The following GRHL2 variants were observed in gnomAD, a reference collection of about 807,000 sequenced individuals.
The protein encoded by GRHL2 is grainyhead-like protein 2 homolog.
Under a neutral mutation model 83.8 loss-of-function variants are expected in GRHL2, and 21 were observed. The ratio of observed to expected loss-of-function variants is 0.25; its 90% CI spans 0.18 to 0.36. The LOEUF (loss-of-function observed/expected upper bound fraction) is 0.36. Ranked by LOEUF, GRHL2 falls within the 10% of genes least tolerant of loss-of-function variation. GRHL2 has a pLI of 1.00. For synonymous variants in GRHL2, 280 were observed against 278.9 expected, an observed-to-expected ratio of 1.00 and a Z score of -0.04; for missense variants, 623 against 781.8, an observed-to-expected ratio of 0.80 and a Z score of 2.42.
At chr8:101,617,797 G>A (rs191637013) in intron 8 of GRHL2, among the ~76,000 whole-genome samples, 32 of 152,246 alleles carry the variant, frequency 2.1e-4, no homozygotes, top group Admixed American at 1.8e-3. Context: ...GAGCCACCAC[G>A]CCCGGCTGAA....
intron 1 of GRHL2, among the ~76,000 whole-genome samples, chr8:101,526,927 C>A (rs533549349): frequency 6.6e-6 from 1 of 152,030 alleles, no homozygotes; most frequent in Admixed American, 6.6e-5. Context: ...GAAACTAGCA[C>A]GTATTTGCTT....
chr8:101,572,907 C>T (rs755867823), intron 5 of GRHL2, among the ~76,000 whole-genome samples: 48 of 152,296 alleles, frequency 3.2e-4, no homozygotes, highest in Middle Eastern at 6.8e-3. Context: ...GGCAGGCTAT[C>T]GTCTCTACCA....
chr8:101,493,743 G>A (rs1586388051), intron 1 of GRHL2, among the ~76,000 whole-genome samples: 1 of 152,180 alleles, frequency 6.6e-6, no homozygotes, highest in East Asian at 1.9e-4. Context: ...CGGGGCGGCG[G>A]GAACGCTGGG....
chr8:101,558,154 C>A (rs539495597), intron 3 of GRHL2, among the ~76,000 whole-genome samples: 1 of 152,100 alleles, frequency 6.6e-6, no homozygotes, highest in Non-Finnish European at 1.5e-5. Context: ...CATGAGGCAC[C>A]GCGCCTGGCC....
intron 1 of GRHL2, among the ~76,000 whole-genome samples, chr8:101,532,329 C>G (rs1810944796): frequency 6.6e-6 from 1 of 152,152 alleles, no homozygotes; most frequent in African/African-American, 2.4e-5. Flanking sequence ...CATTTTTGGT[C>G]TGAATATGGT....
At chr8:101,565,838 C>G (rs1452115254) in intron 4 of GRHL2, among the ~76,000 whole-genome samples, 1 of 152,204 alleles carries the variant, frequency 6.6e-6, no homozygotes, top group Non-Finnish European at 1.5e-5. Flanking sequence ...TATTTCATAA[C>G]TCAACTCCAG....
intron 1 of GRHL2, among the ~76,000 whole-genome samples, chr8:101,496,015 G>A (rs572471): frequency 0.81 from 123,167 of 151,586 alleles, 51,541 homozygotes; most frequent in Non-Finnish European, 0.93. Flanking sequence ...AGGTGTGGTG[G>A]CAGGTGCCTG....
chr8:101,673,504 A>G (rs1563639382), downstream of GRHL2, among the ~76,000 whole-genome samples: 1 of 132,344 alleles, frequency 7.6e-6, no homozygotes, highest in Non-Finnish European at 1.6e-5. Context: ...AGAGCTAACT[A>G]TCCTAAATAT....
At chr8:101,509,417 A>T (rs1382931257) in intron 1 of GRHL2, among the ~76,000 whole-genome samples, 1 of 151,940 alleles carries the variant, frequency 6.6e-6, no homozygotes, top group Non-Finnish European at 1.5e-5. Context: ...CATGTTGCTT[A>T]TAATGTTAAA....
At chr8:101,564,895 AC>A (rs1811685619) in intron 4 of GRHL2, among the ~76,000 whole-genome samples, 1 of 151,968 alleles carries the variant, frequency 6.6e-6, no homozygotes, top group South Asian at 2.1e-4. Flanking sequence ...CTTTGTAATA[AC>A]ATTTGGCAAA....
chr8:101,663,722 C>T (rs959452011), intron 14 of GRHL2, among the ~76,000 whole-genome samples: 1 of 151,982 alleles, frequency 6.6e-6, no homozygotes. Context: ...TTTATATGCT[C>T]ATTGTCCAAT....
Position 101,507,871 on chromosome 8 carries a change from G to A in GRHL2, c.20+15082G>A, listed in dbSNP as rs144016184. Among the ~76,000 whole-genome samples, 823 of 148,880 alleles carry A rather than the reference G, an allele frequency of 5.5e-3. 6 individuals are homozygous for A. Among genetic ancestry groups the A allele is most frequent in the African/African-American group, 0.019 (760 of 39,786 alleles). The stretch of plus-strand genomic sequence containing the variant: ...CAGCTCACTGCAACCTCCGTCTCCC[G>A]GGTTCAAGCAATTTTCGTGCCTTAG... On this transcript the variant is annotated intron_variant, in intron 1 of 15. Coordinates refer to ENST00000646743, the MANE Select transcript of GRHL2 (RefSeq NM_024915.4).
chr8:101,525,129 G>A (rs1160388221), intron 1 of GRHL2, among the ~76,000 whole-genome samples: 1 of 152,134 alleles, frequency 6.6e-6, no homozygotes, highest in Non-Finnish European at 1.5e-5. Context: ...TTTTAGTAGA[G>A]ACAGGGTTTC....
intron 2 of GRHL2, among the ~76,000 whole-genome samples, chr8:101,550,573 C>T (rs1435793239): frequency 6.6e-6 from 1 of 152,134 alleles, no homozygotes; most frequent in Non-Finnish European, 1.5e-5. Flanking sequence ...CTTACTTCTT[C>T]CTTAATGCCT....
the GRHL2 span, among the ~76,000 whole-genome samples, chr8:101,681,053 A>G: frequency 7.4e-6 from 1 of 135,466 alleles, no homozygotes; most frequent in Non-Finnish European, 1.6e-5. Flanking sequence ...AAAAGCTAGC[A>G]GAAGGCAAGA....
intron 11 of GRHL2, among the ~76,000 whole-genome samples, chr8:101,634,715 A>G (rs542247332): frequency 1.3e-5 from 2 of 152,264 alleles, no homozygotes; most frequent in East Asian, 1.9e-4. Context: ...TGCTGAAGCT[A>G]TGGGGCAGCA....
At chr8:101,676,976 C>G in the GRHL2 span, among the ~76,000 whole-genome samples, 8 of 151,926 alleles carry the variant, frequency 5.3e-5, no homozygotes, top group Non-Finnish European at 1.2e-4. Context: ...AAAACAAACA[C>G]CACATATTCT....
intron 7 of GRHL2, among the ~76,000 whole-genome samples, chr8:101,586,112 G>C (rs1470092363): frequency 8.9e-6 from 1 of 112,064 alleles, no homozygotes; most frequent in Admixed American, 1.2e-4. Flanking sequence ...TCGCTCTGTC[G>C]CCCAGGTGGG....
At chr8:101,618,788 TA>T (rs1210332011) in intron 8 of GRHL2, among the ~76,000 whole-genome samples, 1 of 152,160 alleles carries the variant, frequency 6.6e-6, no homozygotes, top group East Asian at 1.9e-4. Context: ...GACAGATATG[TA>T]AACAAATAAC....
Sources: allele counts gnomAD v4.1 joint callset (sites outside exome capture counted in the v4.1 genomes callset), GRCh38; gene constraint gnomAD v4.1.1; transcripts MANE v1.5; gene names NCBI Gene and HGNC (gene_info 2026-07-23, HGNC 2026-07-21).